Variants in PRKG1 observed in about 807,000 individuals in gnomAD.
PRKG1 encodes the protein protein kinase cGMP-dependent 1.
PRKG1 carries 35 observed loss-of-function variants against 88.1 expected under a neutral mutation model. The observed-to-expected ratio is 0.40, with a 90% CI of 0.30 to 0.53. The LOEUF (loss-of-function observed/expected upper bound fraction) is 0.53. PRKG1 is among the 20% of genes least tolerant of loss of function. PRKG1 has a pLI of 0.59. For synonymous variants in PRKG1, 303 were observed against 292.5 expected (o/e 1.04, Z -0.37); for missense variants, 540 against 839.8 (o/e 0.64, Z 4.41).
At chr10:50,997,134 G>C (rs758825747) in intron 1 of PRKG1, among the ~76,000 whole-genome samples, 6 of 152,290 alleles carry the variant, frequency 3.9e-5, no homozygotes, top group Middle Eastern at 3.4e-3. Context: ...GTCCTTTAAA[G>C]GATCTCGGAA....
intron 2 of PRKG1, among the ~76,000 whole-genome samples, chr10:51,315,272 G>T (rs1841289918): frequency 6.6e-6 from 1 of 152,072 alleles, no homozygotes; most frequent in Admixed American, 6.6e-5. Context: ...AAATTTAATG[G>T]CCTTGACTTT....
intron 2 of PRKG1, among the ~76,000 whole-genome samples, chr10:51,396,968 A>G (rs897971220): frequency 1.3e-5 from 2 of 152,200 alleles, no homozygotes; most frequent in Admixed American, 6.5e-5. Flanking sequence ...TGAAAAGAAA[A>G]TATCAATATT....
intron 3 of PRKG1, among the ~76,000 whole-genome samples, chr10:51,601,839 T>C (rs1216728941): frequency 7.1e-6 from 1 of 140,346 alleles, no homozygotes; most frequent in East Asian, 2.3e-4. Flanking sequence ...ATCAGAGAAA[T>C]AAGGGAAGCA....
At chr10:51,804,445 A>T in intron 3 of PRKG1, 140 bp from the exon 4 acceptor site, 1 of 624,784 alleles carries the variant, frequency 1.6e-6, no homozygotes, top group Non-Finnish European at 2.8e-6. Context: ...TAGCATTGTG[A>T]TATTAGCTTT....
chr10:52,139,729 G>T (rs1837525072), intron 8 of PRKG1, among the ~76,000 whole-genome samples: 1 of 152,088 alleles, frequency 6.6e-6, no homozygotes, highest in Admixed American at 6.6e-5. Context: ...TCACCAAGGT[G>T]CATACTCAAG....
chr10:52,152,532 G>GA (rs1417006277), intron 8 of PRKG1, among the ~76,000 whole-genome samples: 1 of 152,040 alleles, frequency 6.6e-6, no homozygotes, highest in Non-Finnish European at 1.5e-5. Context: ...ATGGTACTGA[G>GA]AAAAAACCAT....
At chr10:51,120,071 G>A (rs1369455784) in intron 1 of PRKG1, among the ~76,000 whole-genome samples, 2 of 152,024 alleles carry the variant, frequency 1.3e-5, no homozygotes, top group East Asian at 3.9e-4. Context: ...GGCTTATTGA[G>A]AATTTTTTTT....
chr10:51,612,246 C>T (rs1259412895), intron 3 of PRKG1, among the ~76,000 whole-genome samples: 1 of 151,996 alleles, frequency 6.6e-6, no homozygotes, highest in Non-Finnish European at 1.5e-5. Flanking sequence ...GTCATTTTAA[C>T]AATATTCTCC....
At chr10:51,854,609 A>G (rs1564676405) in intron 4 of PRKG1, among the ~76,000 whole-genome samples, 1 of 152,160 alleles carries the variant, frequency 6.6e-6, no homozygotes, top group African/African-American at 2.4e-5. Context: ...TAAGTGAGAA[A>G]AAAAGAAGAA....
chr10:51,250,313 T>C (rs958446185), intron 2 of PRKG1, among the ~76,000 whole-genome samples: 1 of 151,888 alleles, frequency 6.6e-6, no homozygotes, highest in African/African-American at 2.4e-5. Flanking sequence ...AACGTATCAA[T>C]TTATGACATT....
At chr10:51,562,890 T>G (rs1426965275) in intron 3 of PRKG1, among the ~76,000 whole-genome samples, 1 of 152,066 alleles carries the variant, frequency 6.6e-6, no homozygotes, top group Non-Finnish European at 1.5e-5. Context: ...CACCTCAGCC[T>G]CCTGAGTAGC....
chr10:51,391,468 G>A (rs760647835), intron 2 of PRKG1, among the ~76,000 whole-genome samples: 1 of 152,174 alleles, frequency 6.6e-6, no homozygotes, highest in Non-Finnish European at 1.5e-5. Context: ...CAATGTATTT[G>A]TTGAGGAAGA....
intron 1 of PRKG1, among the ~76,000 whole-genome samples, chr10:51,116,034 TGTG>T (rs1355889721): frequency 5.3e-5 from 8 of 152,022 alleles, no homozygotes; most frequent in Admixed American, 2.0e-4. Context: ...GCAGTTCTGG[TGTG>T]GTGGTGGAAA....
At position 51,302,384 on chromosome 10, in the gene PRKG1, A is replaced by G. The variant is rs537096932; in HGVS notation, c.478+149054A>G. Among the ~76,000 whole-genome samples, 10 of 152,302 alleles carry G rather than the reference A, an allele frequency of 6.6e-5. 1 individual carries two copies. In the South Asian group the frequency reaches 2.1e-3, roughly 32 times the overall value. ...TGAGATAAAGAGTTATTTGCTCACT[A>G]GATTTTATTCACTTGGCACCTGTTT... On this transcript the variant is annotated intron_variant, in intron 2 of 17. Transcript: ENST00000373980.
chr10:51,378,271 A>T (rs900385604), intron 2 of PRKG1, among the ~76,000 whole-genome samples: 2 of 152,184 alleles, frequency 1.3e-5, no homozygotes, highest in South Asian at 2.1e-4. Context: ...CTAAGCTTCT[A>T]TTTTTATGCC....
At chr10:51,317,460 T>C (rs982705389) in intron 2 of PRKG1, among the ~76,000 whole-genome samples, 3 of 152,184 alleles carry the variant, frequency 2.0e-5, no homozygotes, top group Non-Finnish European at 2.9e-5. Flanking sequence ...GTATTCTTCC[T>C]AACACGCACA....
chr10:52,128,688 A>G (rs1837168078), intron 7 of PRKG1: 1 of 638,072 alleles, frequency 1.6e-6, no homozygotes, highest in Non-Finnish European at 1.9e-6. Flanking sequence ...TTTGATTGTA[A>G]TTACTAATTA....
chr10:51,661,068 T>G (rs943614016), intron 3 of PRKG1, among the ~76,000 whole-genome samples: 8 of 152,100 alleles, frequency 5.3e-5, no homozygotes, highest in Admixed American at 2.0e-4. Flanking sequence ...CAAAAAGTGC[T>G]TGGTTGATTT....
At chr10:52,129,214 A>G (rs1487980013) in intron 7 of PRKG1, among the ~76,000 whole-genome samples, 1 of 152,232 alleles carries the variant, frequency 6.6e-6, no homozygotes, top group Admixed American at 6.5e-5. Flanking sequence ...CCAGTATCAT[A>G]ACATCTACTG....
Sources: allele counts gnomAD v4.1 joint callset (sites outside exome capture counted in the v4.1 genomes callset), GRCh38; gene constraint gnomAD v4.1.1; transcripts MANE v1.5; gene names NCBI Gene and HGNC (gene_info 2026-07-23, HGNC 2026-07-21).